The following GALNT15 variants were observed in gnomAD, a reference collection of about 807,000 sequenced individuals.
The protein encoded by GALNT15 is UDP-GalNAc transferase T15.
In GALNT15, 67 loss-of-function variants were observed where a neutral mutation model predicts 66.8. The observed-to-expected ratio is 1.00, with a 90% CI of 0.82 to 1.23. The LOEUF (loss-of-function observed/expected upper bound fraction) is 1.23. Among genes scored for constraint, GALNT15 ranks in the 50% most tolerant of loss-of-function variants. The probability of loss-of-function intolerance (pLI) is 0.00; values close to 1 mark genes in which losing one functional copy is unlikely to be tolerated. For missense variants in GALNT15, 827 were observed against 804.3 expected (o/e 1.03, Z -0.34); for synonymous variants, 313 against 311.5 (o/e 1.00, Z -0.05).
Position 16,200,022 on chromosome 3 carries a change from T to A in GALNT15, c.707-597T>A, listed in dbSNP as rs914870571. On this transcript the variant is annotated intron_variant, in intron 2 of 9. Transcript: ENST00000339732. This position sits in a 1 kb window ranked among gnomAD's most constrained non-coding sequence, Gnocchi z 4.4. ...TAATTTATAAAGAAAGGAGGTTTAA[T>A]TGACTCACAGTTTCGCATGGCTGGG... 4.6e-5 allele frequency among the ~76,000 whole-genome samples: 7 copies of A among 152,176 alleles called. No individual in the cohort carries two copies. Among genetic ancestry groups the A allele is most frequent in the African/African-American group, 1.4e-4 (6 of 41,430 alleles).
chr3:16,205,285 G>T (rs1164623197), intron 3 of GALNT15, among the ~76,000 whole-genome samples: 1 of 152,190 alleles, frequency 6.6e-6, no homozygotes, highest in Non-Finnish European at 1.5e-5. Context: ...GAACATCCAG[G>T]CTCACGAGAA....
intron 6 of GALNT15, among the ~76,000 whole-genome samples, chr3:16,213,720 G>C (rs2063842515): frequency 6.6e-6 from 1 of 152,194 alleles, no homozygotes; most frequent in Non-Finnish European, 1.5e-5. Flanking sequence ...AGCCCACACT[G>C]CTGGGGTGTG....
In GALNT15 at chr3:16,219,668, G is replaced by T; in HGVS notation, c.1524+134G>T. ...GCCTCAGAGGCCTTGGGTCCATCCC[G>T]TGCCTCCATGCCAGTCTGAGGAAGG... is the stretch of plus-strand genomic sequence containing the variant. On this transcript the variant is annotated intron_variant, in intron 7 of 9. Coordinates refer to ENST00000339732, the MANE Select transcript of GALNT15 (RefSeq NM_054110.5). This position sits in a 1 kb window ranked among gnomAD's most constrained non-coding sequence, Gnocchi z 4.3. The T allele has an allele frequency of 7.9e-7, 1 of 1,266,804 alleles. No homozygotes were observed. The highest frequency in any genetic ancestry group is 1.1e-6 in the Non-Finnish European group (1 of 905,592). 78.5% of individuals were successfully genotyped at this position (1,266,804 alleles called of 1,614,324 possible).
At chr3:16,240,455 T>C in the GALNT15 span, among the ~76,000 whole-genome samples, 2 of 152,318 alleles carry the variant, frequency 1.3e-5, no homozygotes, top group Admixed American at 6.5e-5. Context: ...GAGTTGAATA[T>C]GGACTCCCTG....
Position 16,229,062 on chromosome 3 carries a change from C to G in GALNT15, c.*1562C>G. The G allele has an allele frequency of 3.0e-6, 3 of 985,442 alleles. No homozygotes were observed. The highest frequency in any genetic ancestry group is 3.6e-6 in the Non-Finnish European group (3 of 829,930). 61.0% of individuals were successfully genotyped at this position (985,442 alleles called of 1,614,324 possible). On this transcript the variant is annotated 3_prime_UTR_variant, in exon 10 of 10. Transcript: ENST00000339732. Reference sequence around the variant, plus strand: ...ATTTTTCCCCAGATGGAGTTACCTACCTTTCCACATGGTCAGCTTAGAAAT... The same window carrying G: ...ATTTTTCCCCAGATGGAGTTACCTAGCTTTCCACATGGTCAGCTTAGAAAT...
At position 16,175,627 on chromosome 3, in the gene GALNT15, T is replaced by A. The variant is rs748997137; in HGVS notation, c.476T>A (p.Leu159His). ...LTPFSLDPRGLQEALSARIPL... is the reference protein window; with the variant it reads ...LTPFSLDPRGHQEALSARIPL... The stretch of plus-strand genomic sequence containing the variant: ...CCGTTCAGCCTGGACCCACGTGGCC[T>A]CCAGGAGGCACTCAGTGCCCGCATC... The change falls in exon 1 of 10, where the codon CTC becomes CAC. Residue 159 changes from leucine to histidine, a missense_variant. By Grantham distance (99) the Leu-to-His change is moderately conservative. Transcript: ENST00000339732. This position sits in a 1 kb window ranked among gnomAD's most constrained non-coding sequence, Gnocchi z 5.6. 3.5e-5 allele frequency: 57 copies of A among 1,612,922 alleles called. No homozygotes were observed. Among genetic ancestry groups the A allele is most frequent in the Non-Finnish European group, 1.2e-5 (14 of 1,179,878 alleles).
At chr3:16,247,409 A>G in the GALNT15 span, among the ~76,000 whole-genome samples, 3 of 152,260 alleles carry the variant, frequency 2.0e-5, no homozygotes, top group Non-Finnish European at 4.4e-5. Context: ...CAAAGGATTC[A>G]AATCCAGGAA....
downstream of GALNT15, among the ~76,000 whole-genome samples, chr3:16,236,812 TA>T (rs2064127821): frequency 6.6e-6 from 1 of 152,162 alleles, no homozygotes; most frequent in African/African-American, 2.4e-5. Flanking sequence ...TTGGGGGACA[TA>T]AAGATTCCAG....
chr3:16,193,294 A>G lies in GALNT15; in HGVS notation c.540-2466A>G, dbSNP rs1574975539. 2.0e-5 allele frequency among the ~76,000 whole-genome samples: 3 copies of G among 152,194 alleles called. No individual in the cohort carries two copies. Among genetic ancestry groups the G allele is most frequent in the Non-Finnish European group, 4.4e-5 (3 of 68,024 alleles). On this transcript the variant is annotated intron_variant, in intron 1 of 9. Coordinates refer to ENST00000339732, the MANE Select transcript of GALNT15 (RefSeq NM_054110.5). This position sits in a 1 kb window ranked among gnomAD's most constrained non-coding sequence, Gnocchi z 4.7. ...AGAAATACCTAGGCCCTTATAACCT[A>G]TATATTTATGTTCTTTCTCCAAATG... is the stretch of plus-strand genomic sequence containing the variant.
chr3:16,220,672 A>G (rs1458429635), intron 8 of GALNT15, among the ~76,000 whole-genome samples: 1 of 152,226 alleles, frequency 6.6e-6, no homozygotes, highest in Non-Finnish European at 1.5e-5. Flanking sequence ...TCACATCCCA[A>G]AGGCCCCTAA....
chr3:16,244,035 A>T, the GALNT15 span: 1 of 983,440 alleles, frequency 1.0e-6, no homozygotes, highest in Non-Finnish European at 1.2e-6. Context: ...GCACACTCAG[A>T]AGAGTGGCAG....
intron 6 of GALNT15, among the ~76,000 whole-genome samples, chr3:16,213,797 T>C (rs942626933): frequency 2.6e-5 from 4 of 152,132 alleles, no homozygotes; most frequent in Non-Finnish European, 5.9e-5. Context: ...CATGCCTGAG[T>C]GCAGGGCCAG....
In GALNT15 at chr3:16,195,354, A is replaced by C. The variant is rs73818316; in HGVS notation, c.540-406A>C. Reference sequence around the variant, plus strand: ...TTCTTCAGCCCCACTCCATCTCCAGAAACTCTGGGGGTGGGCCCTGCAGTC... The same window carrying C: ...TTCTTCAGCCCCACTCCATCTCCAGCAACTCTGGGGGTGGGCCCTGCAGTC... On this transcript the variant is annotated intron_variant, in intron 1 of 9. Transcript: ENST00000339732. This position sits in a 1 kb window ranked among gnomAD's most constrained non-coding sequence, Gnocchi z 4.6. 0.019 allele frequency among the ~76,000 whole-genome samples: 2,956 copies of C among 152,312 alleles called. 114 individuals carry two copies. The highest frequency in any genetic ancestry group is 0.067 in the African/African-American group (2,766 of 41,550).
rs2063738025 is a variant in GALNT15, at chr3:16,204,562, G to A, written c.911+3739G>A. On this transcript the variant is annotated intron_variant, in intron 3 of 9. Coordinates refer to ENST00000339732, the MANE Select transcript of GALNT15 (RefSeq NM_054110.5). This position sits in a 1 kb window ranked among gnomAD's most constrained non-coding sequence, Gnocchi z 4.5. ...GAATCAAGACTAGCTGTTGTATCCA[G>A]CTCTCAGCTGACTTGTGTTGACTGC... 6.6e-6 allele frequency among the ~76,000 whole-genome samples: 1 copy of A among 152,120 alleles called. No individual in the cohort carries two copies. The highest frequency in any genetic ancestry group is 2.1e-4 in the South Asian group (1 of 4,824).
intron 3 of GALNT15, among the ~76,000 whole-genome samples, chr3:16,206,533 C>A (rs558380635): frequency 1.3e-5 from 2 of 151,544 alleles, no homozygotes; most frequent in Non-Finnish European, 2.9e-5. Flanking sequence ...ATTAGCCGGG[C>A]GTTGTGGCGG....
At chr3:16,216,089 G>A (rs533712660) in intron 6 of GALNT15, among the ~76,000 whole-genome samples, 3 of 152,206 alleles carry the variant, frequency 2.0e-5, no homozygotes, top group African/African-American at 7.2e-5. Context: ...TTGGTGGAAT[G>A]GAATGGATGG....
downstream of GALNT15, among the ~76,000 whole-genome samples, chr3:16,230,905 G>T (rs1174794732): frequency 6.6e-6 from 1 of 152,136 alleles, no homozygotes; most frequent in Non-Finnish European, 1.5e-5. The surrounding 1 kb of genome is among the most constrained non-coding windows in gnomAD (Gnocchi z 4.5). Flanking sequence ...ATTAATAATA[G>T]TCCCTCCATT....
chr3:16,237,865 G>A, the GALNT15 span, among the ~76,000 whole-genome samples: 1 of 152,128 alleles, frequency 6.6e-6, no homozygotes, highest in Non-Finnish European at 1.5e-5. This position sits in a 1 kb window ranked among gnomAD's most constrained non-coding sequence, Gnocchi z 4.2. Flanking sequence ...TCCCCTCACA[G>A]ACTGGTTTAC....
chr3:16,194,276 C>T (rs1001378519), intron 1 of GALNT15, among the ~76,000 whole-genome samples: 1 of 152,224 alleles, frequency 6.6e-6, no homozygotes, highest in Non-Finnish European at 1.5e-5. Context: ...TTGGCACTCA[C>T]AGACACTCCA....
Sources: allele counts gnomAD v4.1 joint callset (sites outside exome capture counted in the v4.1 genomes callset), GRCh38; gene constraint gnomAD v4.1.1; non-coding constraint Gnocchi (gnomAD v3.1); transcripts MANE v1.5; gene names NCBI Gene and HGNC (gene_info 2026-07-23, HGNC 2026-07-21).